Variants in DOLPP1 observed in about 807,000 individuals in gnomAD.
The protein encoded by DOLPP1 is dolichyl pyrophosphate phosphatase 1.
A neutral mutation model predicts 34.1 loss-of-function variants in DOLPP1; 15 were observed. That is an observed-to-expected ratio of 0.44 (90% confidence interval 0.29 to 0.68). The LOEUF (loss-of-function observed/expected upper bound fraction) is 0.68. Ranked by LOEUF, DOLPP1 falls within the 30% of genes least tolerant of loss-of-function variation. The pLI is 0.12. For missense variants in DOLPP1, 249 were observed against 307.1 expected, an observed-to-expected ratio of 0.81 and a Z score of 1.41; for synonymous variants, 130 against 128.2, an observed-to-expected ratio of 1.01 and a Z score of -0.10.
chr9:129,084,594 C>T, intron 1 of DOLPP1, 74 bp from the exon 2 acceptor site: 1 of 1,115,452 alleles, frequency 9.0e-7, no homozygotes, highest in South Asian at 1.2e-5. Flanking sequence ...TGGATCAGGC[C>T]TTACTTGTAG....
intron 7 of DOLPP1, among the ~76,000 whole-genome samples, chr9:129,087,616 G>A (rs1000603829): frequency 1.8e-4 from 28 of 151,400 alleles, no homozygotes; most frequent in African/African-American, 3.6e-4. Context: ...TCGCCCGGCC[G>A]AAGGCCGGCC....
chr9:129,083,809 C>A (rs920445969), intron 1 of DOLPP1, among the ~76,000 whole-genome samples: 4 of 152,198 alleles, frequency 2.6e-5, no homozygotes, highest in African/African-American at 9.7e-5. Flanking sequence ...TGCCTCAGTT[C>A]ATGCAGCCAG....
rs1037027409 is a variant in DOLPP1 at position 129,086,682 on chromosome 9, C to T, written c.591-27C>T. The T allele has an allele frequency of 3.1e-6, 5 of 1,606,942 alleles. No individual in the cohort carries two copies. In the African/African-American group the frequency reaches 5.4e-5, roughly 17 times the overall value. On this transcript the variant is annotated intron_variant, in intron 6 of 7. Transcript: ENST00000372546. Reference sequence around the variant, plus strand: ...AACAGACTCATGCCCTGATGTGCCCCTGGCTCTCTGATGTCTGTCTCTCCA... The same window carrying T: ...AACAGACTCATGCCCTGATGTGCCCTTGGCTCTCTGATGTCTGTCTCTCCA...
Position 129,081,149 on chromosome 9 carries a change from G to C in DOLPP1, c.18G>C (p.Gln6His). 1.2e-6 allele frequency: 2 copies of C among 1,609,652 alleles called. No individual in the cohort carries two copies. The highest frequency in any genetic ancestry group is 1.7e-6 in the Non-Finnish European group (2 of 1,179,462). ...CGGGTAAGATGGCAGCGGACGGACA[G>C]TGCTCGCTCCCCGCTTCATGGCGGC... MAADG[Q>H]CSLPASWRPV... Residue 6 changes from glutamine (Q) to histidine (H), a missense_variant, in exon 1 of 8, where the codon CAG becomes CAC. By Grantham distance (24) the Gln-to-His change is conservative. Coordinates refer to ENST00000372546, the MANE Select transcript of DOLPP1 (RefSeq NM_020438.5).
intron 1 of DOLPP1, among the ~76,000 whole-genome samples, chr9:129,082,049 G>A (rs910786014): frequency 2.6e-5 from 4 of 152,232 alleles, no homozygotes; most frequent in African/African-American, 9.6e-5. Flanking sequence ...TGAGTACAGT[G>A]CCCGGCATGC....
intron 5 of DOLPP1, 122 bp from the exon 6 acceptor site, chr9:129,086,016 GT>G: frequency 1.1e-6 from 1 of 950,760 alleles, no homozygotes; most frequent in South Asian, 1.5e-5. Flanking sequence ...TGGAGTCAGT[GT>G]CCTGTCTGTG....
chr9:129,083,457 G>C (rs1846927397), intron 1 of DOLPP1, among the ~76,000 whole-genome samples: 1 of 152,210 alleles, frequency 6.6e-6, no homozygotes, highest in African/African-American at 2.4e-5. Context: ...GGGCTGCTCT[G>C]CTCTCCCAGA....
chr9:129,084,394 A>G (rs1846944581), intron 1 of DOLPP1, among the ~76,000 whole-genome samples: 3 of 152,188 alleles, frequency 2.0e-5, no homozygotes, highest in African/African-American at 4.8e-5. Context: ...GTTGCTCTGG[A>G]ATTCAGTTTC....
intron 7 of DOLPP1, among the ~76,000 whole-genome samples, chr9:129,088,564 G>A (rs1485129828): frequency 2.0e-5 from 3 of 152,090 alleles, no homozygotes; most frequent in Admixed American, 1.3e-4. Context: ...CATACCTCCC[G>A]GATGGGGAGC....
In DOLPP1 at chr9:129,085,579, G is replaced by A; in HGVS notation, c.424G>A (p.Gly142Arg). The A allele has an allele frequency of 6.2e-7, 1 of 1,613,460 alleles. No homozygotes were observed. Among genetic ancestry groups the A allele is most frequent in the Non-Finnish European group, 8.5e-7 (1 of 1,179,876 alleles). Reference sequence around the variant, plus strand: ...GCTGTGGAGGCACGTGCTCTCCCTGGGACTCCTCGCTGTGGCCTTCCTAGT... The same window carrying A: ...GCTGTGGAGGCACGTGCTCTCCCTGAGACTCCTCGCTGTGGCCTTCCTAGT... ...DLLWRHVLSL[G>R]LLAVAFLVSY... Residue 142 changes from glycine (G) to arginine (R), a missense_variant, in exon 5 of 8, where the codon GGA becomes AGA. Transcript: ENST00000372546. This position sits in a 1 kb window ranked among gnomAD's most constrained non-coding sequence, Gnocchi z 7.0.
chr9:129,082,932 C>A (rs1846917325), intron 1 of DOLPP1, among the ~76,000 whole-genome samples: 1 of 152,176 alleles, frequency 6.6e-6, no homozygotes, highest in African/African-American at 2.4e-5. Flanking sequence ...AAGCTCTGCA[C>A]TAGCAGGGAC....
In DOLPP1 at chr9:129,086,256, G is replaced by T. The variant is rs1846987261; in HGVS notation, c.579G>T (p.Arg193Ser). ...AGGTCCTCACCCCGCTGTTCCCCAG[G>T]ATAGCAGCCTGGTAACTGCCTCCTG... is the stretch of plus-strand genomic sequence containing the variant. Reference protein sequence around the residue: ...TQEVLTPLFPRIAAWPVSEFF... With the variant: ...TQEVLTPLFPSIAAWPVSEFF... Residue 193 changes from arginine (R) to serine (S), a missense_variant, in exon 6 of 8, where the codon AGG becomes AGT. Arg to Ser is a moderately radical substitution (Grantham distance 110, BLOSUM62 -1). Coordinates refer to ENST00000372546, the MANE Select transcript of DOLPP1 (RefSeq NM_020438.5). 2 of 1,613,162 alleles carry T rather than the reference G, an allele frequency of 1.2e-6. No individual in the cohort carries two copies. Among genetic ancestry groups the T allele is most frequent in the Non-Finnish European group, 8.5e-7 (1 of 1,179,912 alleles).
chr9:129,084,361 T>C (rs1481296353), intron 1 of DOLPP1, among the ~76,000 whole-genome samples: 1 of 152,264 alleles, frequency 6.6e-6, no homozygotes, highest in Admixed American at 6.5e-5. Flanking sequence ...CTTCTGGCTG[T>C]GTGACCTTGG....
At chr9:129,086,850 C>T in intron 7 of DOLPP1, 52 bp downstream of exon 7, 1 of 1,546,190 alleles carries the variant, frequency 6.5e-7, no homozygotes, top group Non-Finnish European at 8.9e-7. Context: ...GCAGCCTCTG[C>T]CTCCATGTTT....
rs370679492 is a variant in DOLPP1 at position 129,085,659 on chromosome 9, G to A, written c.461+43G>A. 114 of 1,513,634 alleles carry A rather than the reference G, an allele frequency of 7.5e-5. No homozygotes were observed. In the Middle Eastern group the frequency reaches 1.2e-3, roughly 16 times the overall value. 93.8% of individuals were successfully genotyped at this position (1,513,634 alleles called of 1,614,324 possible). On this transcript the variant is annotated intron_variant, in intron 5 of 7. Transcript: ENST00000372546. This position sits in a 1 kb window ranked among gnomAD's most constrained non-coding sequence, Gnocchi z 7.0. ...CCCCTGCCTGCACCCTGCCCATGTGGGGTCCTGCTGGTTCCTGGTCCCTGT... is the reference window on the plus strand; with the variant it reads ...CCCCTGCCTGCACCCTGCCCATGTGAGGTCCTGCTGGTTCCTGGTCCCTGT...
chr9:129,084,620 T>G, intron 1 of DOLPP1, 48 bp from the exon 2 acceptor site: 1 of 1,355,120 alleles, frequency 7.4e-7, no homozygotes, highest in Admixed American at 1.7e-5. Context: ...TGGTCCCTCT[T>G]CTGATGCCTG....
At chr9:129,086,114 T>C (rs1238626993) in intron 5 of DOLPP1, 25 bp from the exon 6 acceptor site, 6 of 1,610,610 alleles carry the variant, frequency 3.7e-6, no homozygotes, top group Non-Finnish European at 5.1e-6. Flanking sequence ...GGCTCTCACA[T>C]ACTTCGCTTC....
At chr9:129,082,159 T>C (rs1439224150) in intron 1 of DOLPP1, among the ~76,000 whole-genome samples, 1 of 152,176 alleles carries the variant, frequency 6.6e-6, no homozygotes, top group Admixed American at 6.5e-5. Flanking sequence ...GAGCCCCTCA[T>C]TGAGCCCTGG....
rs376546922 is a variant in DOLPP1 at position 129,082,897 on chromosome 9, A to T, written c.76+1690A>T. On this transcript the variant is annotated intron_variant, in intron 1 of 7. Coordinates refer to ENST00000372546, the MANE Select transcript of DOLPP1 (RefSeq NM_020438.5). ...TTAGTGGATCATGAACTGAGTCTGGATGGCAGATTCTCCCGTCAGACCTCA... is the reference window on the plus strand; with the variant it reads ...TTAGTGGATCATGAACTGAGTCTGGTTGGCAGATTCTCCCGTCAGACCTCA... 6.0e-4 allele frequency among the ~76,000 whole-genome samples: 91 copies of T among 152,290 alleles called. 1 individual carries two copies. Among genetic ancestry groups the T allele is most frequent in the African/African-American group, 2.1e-3 (87 of 41,548 alleles).
Sources: allele counts gnomAD v4.1 joint callset (sites outside exome capture counted in the v4.1 genomes callset), GRCh38; gene constraint gnomAD v4.1.1; non-coding constraint Gnocchi (gnomAD v3.1); transcripts MANE v1.5; gene names NCBI Gene and HGNC (gene_info 2026-07-23, HGNC 2026-07-21).